Variants in VIT observed in about 807,000 individuals in gnomAD.
VIT encodes the protein vitrin.
In VIT, 99 loss-of-function variants were observed where a neutral mutation model predicts 78.0. The ratio of observed to expected loss-of-function variants is 1.27; its 90% CI spans 1.08 to 1.50. The LOEUF (loss-of-function observed/expected upper bound fraction) is 1.50, where lower values mean the gene tolerates loss of function less well. VIT is among the 40% of genes most tolerant of loss of function. The pLI is 0.00. For synonymous variants in VIT, 374 were observed against 334.3 expected, an observed-to-expected ratio of 1.12 and a Z score of -1.29; for missense variants, 1,126 against 875.3, an observed-to-expected ratio of 1.29 and a Z score of -3.61.
At chr2:36,734,987 A>C (rs1319887738) in intron 3 of VIT, among the ~76,000 whole-genome samples, 2 of 152,078 alleles carry the variant, frequency 1.3e-5, no homozygotes, top group Non-Finnish European at 2.9e-5. Context: ...AACATGATGA[A>C]ACCCCGTCTC....
intron 1 of VIT, among the ~76,000 whole-genome samples, chr2:36,700,286 C>T (rs966793184): frequency 6.6e-6 from 1 of 152,168 alleles, no homozygotes; most frequent in East Asian, 1.9e-4. Context: ...AGGTCTCCCT[C>T]TCACTGTCTT....
chr2:36,801,774 TGA>T (rs1558586798), intron 13 of VIT, among the ~76,000 whole-genome samples: 30 of 125,256 alleles, frequency 2.4e-4, no homozygotes, highest in Non-Finnish European at 2.2e-4. Flanking sequence ...AGACTCCATC[TGA>T]AAAAAAAAAA....
At chr2:36,760,358 T>C (rs1202851247) in intron 6 of VIT, among the ~76,000 whole-genome samples, 1 of 152,056 alleles carries the variant, frequency 6.6e-6, no homozygotes, top group African/African-American at 2.4e-5. Flanking sequence ...TGAGGAGCCT[T>C]AGCATACAAA....
In VIT at chr2:36,785,607, A is replaced by G. The variant is rs1211788576; in HGVS notation, c.911-1522A>G. Among the ~76,000 whole-genome samples the G allele has an allele frequency of 2.0e-5, 3 of 152,190 alleles. No individual in the cohort carries two copies. In the East Asian group the frequency reaches 5.8e-4, roughly 29 times the overall value. ...TTTGGGGACAGCAAAGGACAAGGGA[A>G]GCCAGTTGAAAAGGATGAATTGGTA... On this transcript the variant is annotated intron_variant, in intron 11 of 15. Transcript: ENST00000379242.
At chr2:36,791,986 G>T (rs1665534735) in intron 12 of VIT, among the ~76,000 whole-genome samples, 1 of 152,092 alleles carries the variant, frequency 6.6e-6, no homozygotes, top group African/African-American at 2.4e-5. Flanking sequence ...AGCTGGGATG[G>T]GGGCTGGCAG....
At chr2:36,731,777 G>A (rs552065088) in intron 3 of VIT, among the ~76,000 whole-genome samples, 12 of 152,244 alleles carry the variant, frequency 7.9e-5, no homozygotes, top group Non-Finnish European at 1.6e-4. Context: ...TGTTTATAAA[G>A]AACCATAAAA....
Position 36,697,808 on chromosome 2 carries a change from G to A in VIT, c.-19+835G>A, listed in dbSNP as rs149258106. 1.2e-3 allele frequency among the ~76,000 whole-genome samples: 184 copies of A among 152,300 alleles called. 1 individual carries two copies. Among genetic ancestry groups the A allele is most frequent in the Middle Eastern group, 6.8e-3 (2 of 294 alleles). On this transcript the variant is annotated intron_variant, in intron 1 of 15. Coordinates refer to ENST00000379242, the MANE Select transcript of VIT (RefSeq NM_053276.4). ...ATTAAAAATTTTCTTTGGACTTATTGTAAAAATAAAAACAAGCATTCTTGG... is the reference window on the plus strand; with the variant it reads ...ATTAAAAATTTTCTTTGGACTTATTATAAAAATAAAAACAAGCATTCTTGG...
chr2:36,783,813 G>A (rs930819092), intron 11 of VIT, among the ~76,000 whole-genome samples: 4 of 152,156 alleles, frequency 2.6e-5, no homozygotes, highest in African/African-American at 9.7e-5. Context: ...GATGGAAGGT[G>A]GAGGTTCGAG....
Position 36,771,325 on chromosome 2 carries a change from C to T in VIT, c.680-2466C>T, listed in dbSNP as rs568382640. Among the ~76,000 whole-genome samples the T allele has an allele frequency of 1.9e-3, 282 of 152,056 alleles. 2 individuals carry two copies. The highest frequency in any genetic ancestry group is 6.3e-3 in the African/African-American group (263 of 41,494). ...CGGGCGGATCACGAGGTCAGAAGTTCGACCAGTCTGGCCAAGATGGTGAAA... is the reference window on the plus strand; with the variant it reads ...CGGGCGGATCACGAGGTCAGAAGTTTGACCAGTCTGGCCAAGATGGTGAAA... On this transcript the variant is annotated intron_variant, in intron 7 of 15. Transcript: ENST00000379242.
intron 3 of VIT, among the ~76,000 whole-genome samples, chr2:36,736,119 T>C (rs1667496279): frequency 6.6e-6 from 1 of 152,192 alleles, no homozygotes; most frequent in Non-Finnish European, 1.5e-5. Context: ...AGATCTAACC[T>C]TAGCCAGAGG....
rs555219638 is a variant in VIT, at chr2:36,784,115, G to A, written c.910+713G>A. On this transcript the variant is annotated intron_variant, in intron 11 of 15. Coordinates refer to ENST00000379242, the MANE Select transcript of VIT (RefSeq NM_053276.4). ...TAAGCCTGGAGAACAACACTAGGTGGAGGAGAAACCACCTGAGGATATCAG... is the reference window on the plus strand; with the variant it reads ...TAAGCCTGGAGAACAACACTAGGTGAAGGAGAAACCACCTGAGGATATCAG... 2.0e-5 allele frequency among the ~76,000 whole-genome samples: 3 copies of A among 152,310 alleles called. No individual in the cohort carries two copies. The East Asian group carries it at 5.8e-4, about 29-fold the overall frequency.
chr2:36,808,746 C>G lies in VIT; in HGVS notation c.1664C>G (p.Thr555Ser). ...ACGCGCATCGGGGCCGTGCAGTACA[C>G]CTACGAACAGCGGCTGGAGTTTGGG... ...TDTRIGAVQY[T>S]YEQRLEFGFD... Residue 555 changes from threonine (T) to serine (S), a missense_variant, in exon 15 of 16, where the codon ACC (threonine) becomes AGC (serine). Coordinates refer to ENST00000379242, the MANE Select transcript of VIT (RefSeq NM_053276.4). 3 of 1,614,148 alleles carry G rather than the reference C, an allele frequency of 1.9e-6. No homozygotes were observed. The highest frequency in any genetic ancestry group is 2.5e-6 in the Non-Finnish European group (3 of 1,179,986).
chr2:36,730,111 C>T (rs1460154213), intron 3 of VIT, among the ~76,000 whole-genome samples: 3 of 151,852 alleles, frequency 2.0e-5, no homozygotes, highest in South Asian at 2.1e-4. Flanking sequence ...GCCTGGCCAA[C>T]GTGGTGTCTT....
chr2:36,735,509 C>T (rs79529340), intron 3 of VIT, among the ~76,000 whole-genome samples: 4,629 of 152,258 alleles, frequency 0.03, 256 homozygotes, highest in African/African-American at 0.11. Flanking sequence ...CTAGAAGATT[C>T]GGGGTGGTCC....
chr2:36,806,795 C>A lies in VIT; in HGVS notation c.1389+1131C>A, dbSNP rs1465789364. Among the ~76,000 whole-genome samples, 3 of 152,084 alleles carry A rather than the reference C, an allele frequency of 2.0e-5. No individual in the cohort carries two copies. The East Asian group carries it at 5.8e-4, about 29-fold the overall frequency. On this transcript the variant is annotated intron_variant, in intron 14 of 15. Transcript: ENST00000379242. ...AGCCAGGATGGTCTCGATCTCCTGA[C>A]CTCTTGATCCTCCCGCTTCAGCCTC...
chr2:36,806,165 G>A (rs1045187301), intron 14 of VIT, among the ~76,000 whole-genome samples: 1 of 152,176 alleles, frequency 6.6e-6, no homozygotes, highest in Non-Finnish European at 1.5e-5. Context: ...GAGATGTGGA[G>A]CAATGCCTCC....
chr2:36,767,178 C>T lies in VIT; in HGVS notation c.572C>T (p.Thr191Ile). 1.2e-6 allele frequency: 2 copies of T among 1,612,064 alleles called. No homozygotes were observed. The highest frequency in any genetic ancestry group is 1.7e-6 in the Non-Finnish European group (2 of 1,179,262). ...PVTLMQLLAVTVAVATPTTLP... is the reference protein window; with the variant it reads ...PVTLMQLLAVIVAVATPTTLP... ...ACTCTGATGCAGCTTCTGGCTGTCA[C>T]TGTAGCTGTGGCCACCCCCACCACC... The change falls in exon 7 of 16, where the codon ACT becomes ATT. Residue 191 changes from threonine (T) to isoleucine (I), a missense_variant. Thr to Ile is a moderately conservative substitution (Grantham distance 89). Coordinates refer to ENST00000379242, the MANE Select transcript of VIT (RefSeq NM_053276.4).
intron 12 of VIT, among the ~76,000 whole-genome samples, chr2:36,794,499 C>T (rs1045575110): frequency 6.6e-6 from 1 of 152,312 alleles, no homozygotes; most frequent in East Asian, 1.9e-4. Flanking sequence ...GAAAAGGACA[C>T]ATATACGCTG....
intron 7 of VIT, among the ~76,000 whole-genome samples, chr2:36,771,337 C>A (rs746209454): frequency 5.3e-5 from 8 of 152,050 alleles, no homozygotes; most frequent in Admixed American, 1.3e-4. Context: ...ACCAGTCTGG[C>A]CAAGATGGTG....
Sources: gnomAD v4.1 joint callset for allele counts (sites outside exome capture counted in the v4.1 genomes callset) on GRCh38, gnomAD v4.1.1 for gene constraint, MANE v1.5 for transcripts, NCBI Gene and HGNC (gene_info 2026-07-23, HGNC 2026-07-21) for gene names.